NOC2L: variants seen among roughly 807,000 people sequenced by gnomAD.
NOC2L encodes the protein NOC2 like nucleolar associated transcriptional repressor.
A neutral mutation model predicts 94.2 loss-of-function variants in NOC2L; 101 were observed. The ratio of observed to expected loss-of-function variants is 1.07; its 90% confidence interval spans 0.91 to 1.26. The LOEUF is 1.26. Among genes scored for constraint, NOC2L ranks in the 50% most tolerant of loss-of-function variants. The pLI, the probability that NOC2L is intolerant of heterozygous loss-of-function variation, is 0.00. For missense variants in NOC2L, 1,076 were observed against 980.1 expected, an observed-to-expected ratio of 1.10 and a Z score of -1.31; for synonymous variants, 531 against 413.4, an observed-to-expected ratio of 1.28 and a Z score of -3.45.
At chr1:952,628 C>T in intron 9 of NOC2L, 28 bp from the exon 10 acceptor site, 2 of 1,612,262 alleles carry the variant, frequency 1.2e-6, no homozygotes, top group Non-Finnish European at 8.5e-7. Context: ...TCAGAGCCAC[C>T]TGGGATCAGG....
chr1:950,868 C>T (rs1642243124), intron 12 of NOC2L, among the ~76,000 whole-genome samples: 1 of 152,182 alleles, frequency 6.6e-6, no homozygotes, highest in African/African-American at 2.4e-5. Flanking sequence ...CTACTCCAGT[C>T]TTGGGCAAGC....
intron 6 of NOC2L, among the ~76,000 whole-genome samples, chr1:955,063 C>T (rs1224635921): frequency 6.6e-6 from 1 of 152,258 alleles, no homozygotes; most frequent in Non-Finnish European, 1.5e-5. Context: ...GCCTGACTCC[C>T]TCCGGTACAG....
chr1:948,014 G>T, intron 14 of NOC2L, 117 bp downstream of exon 14: 1 of 789,914 alleles, frequency 1.3e-6, no homozygotes, highest in Non-Finnish European at 2.1e-6. Context: ...CCAGCAGTCA[G>T]GTTCCACCCC....
At chr1:951,965 C>T (rs376390050) in intron 11 of NOC2L, 35 bp downstream of exon 11, 24 of 1,590,388 alleles carry the variant, frequency 1.5e-5, no homozygotes, top group African/African-American at 1.5e-4. Context: ...CTTCTCCTGA[C>T]CCTCCCGCAC....
intron 6 of NOC2L, among the ~76,000 whole-genome samples, chr1:954,993 C>T (rs577968729): frequency 3.9e-5 from 6 of 152,380 alleles, no homozygotes; most frequent in African/African-American, 1.4e-4. Context: ...TGTGCTGACA[C>T]TGGCTGCTGG....
chr1:948,162 A>C lies in NOC2L; in HGVS notation c.1628T>G (p.Phe543Cys). The change falls in exon 14 of 19, where the codon TTC becomes TGC. Residue 543 changes from phenylalanine (F) to cysteine (C), a missense_variant. Coordinates refer to ENST00000327044, the MANE Select transcript of NOC2L (RefSeq NM_015658.4). The stretch of plus-strand genomic sequence containing the variant: ...GACCACAGGCAGCACCAGCTCCGGG[A>C]AGCCGATGCAGTGTGCCTGGCTGTG... ...YLHSQAHCIG[F>C]PELVLPVVLQ... is the part of the protein sequence containing the mutation. 6.3e-7 allele frequency: 1 copy of C among 1,592,316 alleles called. No homozygotes were observed. The highest frequency in any genetic ancestry group is 8.5e-7 in the Non-Finnish European group (1 of 1,170,280).
rs774220022 is a variant in NOC2L, at chr1:952,167, T to C, written c.1192-28A>G. On this transcript the variant is annotated intron_variant, in intron 10 of 18. Coordinates refer to ENST00000327044, the MANE Select transcript of NOC2L (RefSeq NM_015658.4). ...GGTCAGAGAGAACCACGTCAGCTACTGGCCAGGCTGACAAGTCAGGCTGAT... is the reference window on the plus strand; with the variant it reads ...GGTCAGAGAGAACCACGTCAGCTACCGGCCAGGCTGACAAGTCAGGCTGAT... The C allele has an allele frequency of 6.8e-6, 11 of 1,612,240 alleles. No homozygotes were observed. In the African/African-American group the frequency reaches 1.2e-4, roughly 18 times the overall value.
At position 946,153 on chromosome 1, in the gene NOC2L, G is replaced by A. The variant is rs749567045; in HGVS notation, c.1917+20C>T. On this transcript the variant is annotated intron_variant, in intron 16 of 18. Transcript: ENST00000327044. ...CCAGGAAGTCACAACACACCCCCAG[G>A]TCCCCTCGCCGAGCCGCACCCGCTC... The A allele has an allele frequency of 1.3e-6, 2 of 1,558,914 alleles. No homozygotes were observed. Among genetic ancestry groups the A allele is most frequent in the Non-Finnish European group, 1.8e-6 (2 of 1,136,842 alleles).
chr1:948,811 G>A (rs1032202216), intron 12 of NOC2L, among the ~76,000 whole-genome samples: 1 of 147,102 alleles, frequency 6.8e-6, no homozygotes, highest in African/African-American at 2.5e-5. Flanking sequence ...GCCCCACACA[G>A]CCTGGCGTGT....
rs747304588 is a variant in NOC2L at position 951,242 on chromosome 1, GGGGT to G, written c.1332-8_1332-5del. 4 of 1,570,048 alleles carry G rather than the reference GGGGT, an allele frequency of 2.5e-6. No homozygotes were observed. Among genetic ancestry groups the G allele is most frequent in the Non-Finnish European group, 3.5e-6 (4 of 1,157,202 alleles). On this transcript the variant is annotated splice_polypyrimidine_tract_variant and splice_region_variant and intron_variant, in intron 11 of 18. Transcript: ENST00000327044. The stretch of plus-strand genomic sequence containing the variant: ...GAAGCGGGCAGTGGGGATGAGCCTG[GGGGT>G]GGGAAGGCCGAGTGAGCAGAGGCCC...
Position 946,514 on chromosome 1 carries a change from G to T in NOC2L, c.1691C>A (p.Ala564Asp). 6.2e-7 allele frequency: 1 copy of T among 1,613,190 alleles called. No homozygotes were observed. Among genetic ancestry groups the T allele is most frequent in the Non-Finnish European group, 8.5e-7 (1 of 1,179,926 alleles). Residue 564 changes from alanine (A) to aspartate (D), a missense_variant, in exon 15 of 19, where the codon GCC becomes GAC. Ala to Asp is a moderately radical substitution (Grantham distance 126). Coordinates refer to ENST00000327044, the MANE Select transcript of NOC2L (RefSeq NM_015658.4). ...LKSFLRECKVANYCRQVQQLL... is the reference protein window; with the variant it reads ...LKSFLRECKVDNYCRQVQQLL... ...CTGCTGCACCTGCCGGCAGTAGTTG[G>T]CCACCTTGCACTCCCGGAGGAACGA...
intron 10 of NOC2L, 97 bp from the exon 11 acceptor site, chr1:952,236 G>C: frequency 6.8e-7 from 1 of 1,473,230 alleles, no homozygotes; most frequent in East Asian, 2.3e-5. Flanking sequence ...TCCTCATCTT[G>C]CACACGGGGT....
At chr1:951,863 C>G in intron 11 of NOC2L, 137 bp downstream of exon 11, 1 of 981,122 alleles carries the variant, frequency 1.0e-6, no homozygotes, top group South Asian at 1.7e-5. Flanking sequence ...GTACAGGGAC[C>G]CCAGCCCTTC....
At chr1:953,424 G>C in intron 8 of NOC2L, 136 bp from the exon 9 acceptor site, 1 of 634,092 alleles carries the variant, frequency 1.6e-6, no homozygotes, top group South Asian at 1.9e-5. Flanking sequence ...GGGGAGCCGT[G>C]AGTTAGGTGC....
At position 946,180 on chromosome 1, in the gene NOC2L, T is replaced by C. The variant is rs1319186266; in HGVS notation, c.1910A>G (p.Lys637Arg). 1 of 1,610,196 alleles carries C rather than the reference T, an allele frequency of 6.2e-7. No homozygotes were observed. Among genetic ancestry groups the C allele is most frequent in the Admixed American group, 1.7e-5 (1 of 59,898 alleles). The change falls in exon 16 of 19, where the codon AAA (lysine) becomes AGA (arginine). Residue 637 changes from lysine to arginine, a missense_variant. By Grantham distance (26) the Lys-to-Arg change is conservative (BLOSUM62 2). Transcript: ENST00000327044. ...CCCCTCGCCGAGCCGCACCCGCTCT[T>C]TGCCACTGATCTCCAGCTGGATCTC... ...DREIQLEISG[K>R]ERLEDLNFPE...
intron 2 of NOC2L, chr1:958,571 A>G (rs1358191576): frequency 4.3e-6 from 2 of 464,596 alleles, no homozygotes; most frequent in African/African-American, 2.0e-5. Flanking sequence ...TAACAGAGCA[A>G]CTCGGCTCCC....
chr1:944,384 G>A lies in NOC2L; in HGVS notation c.*310C>T, dbSNP rs113000356. On this transcript the variant is annotated 3_prime_UTR_variant, in exon 19 of 19. Coordinates refer to ENST00000327044, the MANE Select transcript of NOC2L (RefSeq NM_015658.4). ...CAGACGGAGGGCAGAGGTGGTGGAA[G>A]GGGCCAGGGGCCTGCAGGCCTCCCC... 4 of 1,303,122 alleles carry A rather than the reference G, an allele frequency of 3.1e-6. No individual in the cohort carries two copies. Among genetic ancestry groups the A allele is most frequent in the Admixed American group, 3.6e-5 (1 of 27,458 alleles). 80.7% of individuals were successfully genotyped at this position (1,303,122 alleles called of 1,614,324 possible). A position where few individuals can be genotyped will look rare whatever the true frequency, so the allele number is the denominator to read the frequency against.
chr1:948,537 C>G lies in NOC2L; in HGVS notation c.1510G>C (p.Val504Leu). The part of the protein sequence containing the change: ...RMSSKPINFS[V>L]ILKLSNVNLQ... ...TTGACATTGGACAGCTTCAGGATCA[C>G]GGAGAAGTTGATGGGCTTGGAGCTC... The change falls in exon 13 of 19, where the codon GTG becomes CTG. Residue 504 changes from valine to leucine, a missense_variant. This residue lies in a region of NOC2L where 615 missense variants were observed against 577.4 expected (regional missense o/e 1.07). Transcript: ENST00000327044. The G allele has an allele frequency of 6.2e-7, 1 of 1,613,680 alleles. No individual in the cohort carries two copies. Among genetic ancestry groups the G allele is most frequent in the Non-Finnish European group, 8.5e-7 (1 of 1,179,964 alleles).
intron 13 of NOC2L, 32 bp from the exon 14 acceptor site, chr1:948,264 A>G (rs1466764395): frequency 6.5e-7 from 1 of 1,527,010 alleles, no homozygotes; most frequent in Admixed American, 1.9e-5. Context: ...CGAGTGCATC[A>G]GGGAGAGGCT....
Sources: allele counts gnomAD v4.1 joint callset (sites outside exome capture counted in the v4.1 genomes callset), GRCh38; gene constraint gnomAD v4.1.1; regional missense constraint gnomAD v4.1.1; transcripts MANE v1.5; gene names NCBI Gene and HGNC (gene_info 2026-07-23, HGNC 2026-07-21).